Variants in GPHN observed in about 807,000 individuals in gnomAD.
GPHN encodes the protein gephyrin.
GPHN carries 17 observed loss-of-function variants against 95.5 expected under a neutral mutation model. The ratio of observed to expected loss-of-function variants is 0.18; its 90% CI spans 0.12 to 0.27. The LOEUF (loss-of-function observed/expected upper bound fraction) is 0.27. GPHN is among the 10% of genes least tolerant of loss of function. The probability of loss-of-function intolerance (pLI) is 1.00; values close to 1 mark genes in which losing one functional copy is unlikely to be tolerated. For synonymous variants in GPHN, 320 were observed against 322.5 expected, an observed-to-expected ratio of 0.99 and a Z score of 0.08; for missense variants, 660 against 978.1, an observed-to-expected ratio of 0.67 and a Z score of 4.34.
chr14:66,932,163 A>G (rs2066833096), intron 8 of GPHN, among the ~76,000 whole-genome samples: 2 of 152,206 alleles, frequency 1.3e-5, no homozygotes, highest in African/African-American at 4.8e-5. Flanking sequence ...AAGATCCAGG[A>G]GAATTCCCTA....
At chr14:67,059,102 A>C in intron 11 of GPHN, 1 of 432,850 alleles carries the variant, frequency 2.3e-6, no homozygotes. Context: ...GGTTCTCAGC[A>C]CTGAGTGAGG....
chr14:66,921,520 G>A (rs1250994309), intron 6 of GPHN, among the ~76,000 whole-genome samples: 2 of 150,992 alleles, frequency 1.3e-5, no homozygotes, highest in Non-Finnish European at 3.0e-5. Flanking sequence ...CAGATGAGTA[G>A]ATTGTGAAGA....
At chr14:67,523,445 T>C in the GPHN span, among the ~76,000 whole-genome samples, 5 of 152,226 alleles carry the variant, frequency 3.3e-5, no homozygotes, top group Non-Finnish European at 5.9e-5. Context: ...TGCACTGTGC[T>C]AAGGATTATA....
At chr14:67,050,710 C>T (rs1170153390) in intron 10 of GPHN, among the ~76,000 whole-genome samples, 3 of 152,038 alleles carry the variant, frequency 2.0e-5, no homozygotes, top group Non-Finnish European at 2.9e-5. Context: ...AAAACAGCTA[C>T]GGTTGGAGGC....
the GPHN span, chr14:67,338,837 G>C: frequency 2.9e-6 from 4 of 1,390,258 alleles, no homozygotes; most frequent in Non-Finnish European, 3.9e-6. Flanking sequence ...TTTGAGTTTT[G>C]TAACAAGGAT....
intron 10 of GPHN, among the ~76,000 whole-genome samples, chr14:67,056,563 C>G (rs1352681031): frequency 2.0e-5 from 3 of 152,218 alleles, no homozygotes; most frequent in Non-Finnish European, 2.9e-5. Context: ...CATCCACAAA[C>G]CCGAGCTAGA....
intron 5 of GPHN, among the ~76,000 whole-genome samples, 180 bp from the exon 6 acceptor site, chr14:66,915,823 G>A (rs1382534465): frequency 2.0e-5 from 3 of 152,164 alleles, no homozygotes; most frequent in East Asian, 1.9e-4. Context: ...TAACCATAAT[G>A]TAAAAACTTC....
intron 3 of GPHN, among the ~76,000 whole-genome samples, chr14:66,782,868 G>A (rs2059655148): frequency 6.6e-6 from 1 of 151,912 alleles, no homozygotes; most frequent in Admixed American, 6.6e-5. Flanking sequence ...CCAAAAGAAA[G>A]AAAGAAAGAT....
At chr14:66,557,368 G>C (rs7150975) in intron 1 of GPHN, among the ~76,000 whole-genome samples, 47,785 of 151,888 alleles carry the variant, frequency 0.31, 11,514 homozygotes, top group African/African-American at 0.65. Flanking sequence ...TGGTTTAATG[G>C]AGGGGAACTT....
At chr14:67,659,789 G>A in the GPHN span, 5 of 1,613,942 alleles carry the variant, frequency 3.1e-6, no homozygotes, top group South Asian at 1.1e-5. Context: ...GCCTCCAGGT[G>A]TGGCTGTCAA....
chr14:67,431,678 T>A, the GPHN span, among the ~76,000 whole-genome samples: 1 of 151,750 alleles, frequency 6.6e-6, no homozygotes, highest in African/African-American at 2.4e-5. Context: ...GGTGACAGAG[T>A]GAGACCCCAA....
chr14:66,512,590 G>C (rs1020298121), intron 1 of GPHN, among the ~76,000 whole-genome samples: 5 of 151,708 alleles, frequency 3.3e-5, no homozygotes, highest in Non-Finnish European at 5.9e-5. Context: ...GCACTAACCT[G>C]TTGATTTGAA....
At chr14:67,034,832 G>C (rs2074343496) in intron 10 of GPHN, among the ~76,000 whole-genome samples, 1 of 152,024 alleles carries the variant, frequency 6.6e-6, no homozygotes, top group Non-Finnish European at 1.5e-5. Context: ...CACAATAATG[G>C]TAGGAGATTT....
At chr14:67,734,377 G>T in the GPHN span, 8 of 155,732 alleles carry the variant, frequency 5.1e-5, no homozygotes, top group Non-Finnish European at 1.0e-4. Context: ...TTTCAATCAT[G>T]CAGATGGTTT....
intron 1 of GPHN, among the ~76,000 whole-genome samples, chr14:66,558,319 A>G (rs1171521566): frequency 4.6e-5 from 7 of 152,160 alleles, no homozygotes. Context: ...GTTATAACTG[A>G]TATTTTGTAC....
chr14:67,332,814 G>C, the GPHN span: 1 of 1,613,514 alleles, frequency 6.2e-7, no homozygotes. Context: ...GAGAAGACAA[G>C]AGAGATGGAG....
chr14:67,549,267 T>G, the GPHN span, among the ~76,000 whole-genome samples: 1 of 149,324 alleles, frequency 6.7e-6, no homozygotes, highest in Admixed American at 6.6e-5. Context: ...GTAAAAGAGA[T>G]TTTTAATTTT....
rs537692352 is a variant in GPHN, at chr14:66,611,851, A to G, written c.65-69256A>G. 7.2e-5 allele frequency among the ~76,000 whole-genome samples: 11 copies of G among 152,244 alleles called. No individual in the cohort carries two copies. In the South Asian group the frequency reaches 2.3e-3, roughly 32 times the overall value. ...AGTTAGAGAGACTTGTATTGCTTCCATACTATTCTTCACTGCTAGATGAAA... is the reference window on the plus strand; with the variant it reads ...AGTTAGAGAGACTTGTATTGCTTCCGTACTATTCTTCACTGCTAGATGAAA... On this transcript the variant is annotated intron_variant, in intron 1 of 22. Coordinates refer to ENST00000478722, the MANE Select transcript of GPHN (RefSeq NM_020806.5).
At chr14:67,280,829 TTCCTTCCTTCCTTCCTTCCTTCCTTCCC>T in the GPHN span, among the ~76,000 whole-genome samples, 2 of 131,160 alleles carry the variant, frequency 1.5e-5, no homozygotes, top group Admixed American at 1.6e-4. Flanking sequence ...CCTTCCTTCC[TTCCTTCCTTCCTTCCTTCCTTCCTTCCC>T]TCCCTCCCTC....
Sources: gnomAD v4.1 joint callset for allele counts (sites outside exome capture counted in the v4.1 genomes callset) on GRCh38, gnomAD v4.1.1 for gene constraint, MANE v1.5 for transcripts, NCBI Gene and HGNC (gene_info 2026-07-23, HGNC 2026-07-21) for gene names.